ERICH3: variants seen among roughly 807,000 people sequenced by gnomAD.
ERICH3 encodes glutamate-rich protein 3.
A neutral mutation model predicts 131.1 loss-of-function variants in ERICH3; 126 were observed. The observed-to-expected ratio is 0.96, with a 90% CI of 0.83 to 1.11. The LOEUF (loss-of-function observed/expected upper bound fraction) is 1.11. ERICH3 is among the 50% of genes most tolerant of loss of function. ERICH3 has a pLI of 0.00. For missense variants in ERICH3, 2,050 were observed against 1,810.7 expected (o/e 1.13, Z -2.40); for synonymous variants, 695 against 644.6 (o/e 1.08, Z -1.18).
intron 13 of ERICH3, among the ~76,000 whole-genome samples, chr1:74,575,635 A>G (rs1252764872): frequency 6.6e-6 from 1 of 152,238 alleles, no homozygotes; most frequent in Non-Finnish European, 1.5e-5. Flanking sequence ...GCATGAAAGT[A>G]TACTAAAAAG....
rs115452210 is a variant in ERICH3 at position 74,672,643 on chromosome 1, G to A, written c.23+854C>T. 2.8e-3 allele frequency among the ~76,000 whole-genome samples: 420 copies of A among 152,200 alleles called. 3 individuals are homozygous for A. Among genetic ancestry groups the A allele is most frequent in the African/African-American group, 9.5e-3 (394 of 41,518 alleles). Reference sequence around the variant, plus strand: ...AATAAATGCAATTAAAAAGGAAAGTGCCTTCAATTTAATTGCAAGATTGAC... The same window carrying A: ...AATAAATGCAATTAAAAAGGAAAGTACCTTCAATTTAATTGCAAGATTGAC... On this transcript the variant is annotated intron_variant, in intron 1 of 14. Transcript: ENST00000326665.
chr1:74,579,877 G>C (rs924830161), intron 12 of ERICH3: 23 of 984,032 alleles, frequency 2.3e-5, no homozygotes, highest in South Asian at 4.7e-5. Context: ...TTGCCAAATG[G>C]AATTGTCACA....
At chr1:74,648,262 T>C (rs556259980) in intron 2 of ERICH3, among the ~76,000 whole-genome samples, 2 of 152,278 alleles carry the variant, frequency 1.3e-5, no homozygotes, top group Admixed American at 1.3e-4. Context: ...TCACAGACTG[T>C]TATCCAAAGA....
intron 12 of ERICH3, among the ~76,000 whole-genome samples, chr1:74,583,851 A>C (rs1647223707): frequency 6.6e-6 from 1 of 152,188 alleles, no homozygotes; most frequent in Non-Finnish European, 1.5e-5. Flanking sequence ...AATGACATCT[A>C]ATTCATTCTC....
rs1557648784 is a variant in ERICH3 at position 74,568,524 on chromosome 1, G to T, written c.*1934C>A. On this transcript the variant is annotated 3_prime_UTR_variant, in exon 15 of 15. Coordinates refer to ENST00000326665, the MANE Select transcript of ERICH3 (RefSeq NM_001002912.5). The stretch of plus-strand genomic sequence containing the variant: ...AAATGAACTTGAATATAATGTAGAT[G>T]AAATCTACTCATAAAACTTTAAGAC... The T allele has an allele frequency of 6.6e-6, 1 of 152,126 alleles. No individual in the cohort carries two copies. Among genetic ancestry groups the T allele is most frequent in the Non-Finnish European group, 1.5e-5 (1 of 67,984 alleles). The allele number at this position is 152,126 out of a possible 1,614,324, so 9.4% of individuals were successfully genotyped here.
intron 8 of ERICH3, among the ~76,000 whole-genome samples, chr1:74,619,878 A>G (rs1649138514): frequency 6.6e-6 from 1 of 152,186 alleles, no homozygotes; most frequent in African/African-American, 2.4e-5. Flanking sequence ...CCTCAATATG[A>G]ATTTATAGTC....
chr1:74,669,019 T>A (rs1328452430), intron 1 of ERICH3, among the ~76,000 whole-genome samples: 2 of 152,122 alleles, frequency 1.3e-5, no homozygotes, highest in Admixed American at 6.6e-5. Context: ...AATGGACCTT[T>A]CTTTAGGAAA....
chr1:74,593,789 A>G (rs1344528067), intron 11 of ERICH3, among the ~76,000 whole-genome samples: 1 of 152,136 alleles, frequency 6.6e-6, no homozygotes, highest in Non-Finnish European at 1.5e-5. Flanking sequence ...AAAGAGGTTC[A>G]ACAGTACCCA....
intron 12 of ERICH3, chr1:74,579,842 T>A (rs1391390350): frequency 1.0e-6 from 1 of 984,928 alleles, no homozygotes; most frequent in African/African-American, 1.7e-5. Context: ...GAGGCAAAGG[T>A]GATTGTCAGT....
intron 5 of ERICH3, among the ~76,000 whole-genome samples, chr1:74,636,916 C>G (rs985818758): frequency 2.0e-5 from 3 of 152,010 alleles, no homozygotes; most frequent in Non-Finnish European, 2.9e-5. Flanking sequence ...TAAAAGCAGA[C>G]AGTATAATTC....
chr1:74,618,184 T>TTA (rs1649063493), intron 8 of ERICH3, among the ~76,000 whole-genome samples: 1 of 152,052 alleles, frequency 6.6e-6, no homozygotes, highest in African/African-American at 2.4e-5. Flanking sequence ...TTAAAAACCG[T>TTA]TAATATAAGT....
At chr1:74,615,823 A>G (rs1203844441) in intron 8 of ERICH3, among the ~76,000 whole-genome samples, 4 of 152,174 alleles carry the variant, frequency 2.6e-5, no homozygotes, top group Non-Finnish European at 4.4e-5. Flanking sequence ...CCAGGCCACA[A>G]ATAACCAGCC....
At chr1:74,643,814 C>T (rs2100637030) in intron 3 of ERICH3, among the ~76,000 whole-genome samples, 1 of 152,196 alleles carries the variant, frequency 6.6e-6, no homozygotes, top group Non-Finnish European at 1.5e-5. Flanking sequence ...GCCTATCTGA[C>T]ACTAGCTTCC....
chr1:74,611,765 G>A (rs1340987), intron 9 of ERICH3, among the ~76,000 whole-genome samples: 1 of 151,836 alleles, frequency 6.6e-6, no homozygotes, highest in Non-Finnish European at 1.5e-5. Flanking sequence ...CTGTTCAAAA[G>A]ACATCTTATC....
chr1:74,602,743 T>G (rs928854633), intron 10 of ERICH3, among the ~76,000 whole-genome samples: 1 of 151,932 alleles, frequency 6.6e-6, no homozygotes, highest in Non-Finnish European at 1.5e-5. Flanking sequence ...ACTAGTTATG[T>G]TGGTTTAAGA....
At position 74,571,838 on chromosome 1, in the gene ERICH3, T is replaced by C. The variant is rs1185431881; in HGVS notation, c.3872A>G (p.Asp1291Gly). 9.3e-6 allele frequency: 15 copies of C among 1,612,544 alleles called. No individual in the cohort carries two copies. The East Asian group carries it at 3.3e-4, about 36-fold the overall frequency. Reference protein sequence around the residue: ...MAEKFREEAVDEDPEEEEDKE... With the variant: ...MAEKFREEAVGEDPEEEEDKE... ...GTCCTCTTCCTCCTCTGGGTCCTCA[T>C]CCACCGCTTCCTCCCTGAACTTTTC... Residue 1291 changes from aspartate to glycine, a missense_variant, in exon 14 of 15, where the codon GAT (aspartate) becomes GGT (glycine). Transcript: ENST00000326665.
At chr1:74,660,436 G>A (rs1336029677) in intron 1 of ERICH3, among the ~76,000 whole-genome samples, 2 of 151,428 alleles carry the variant, frequency 1.3e-5, no homozygotes, top group Non-Finnish European at 2.9e-5. Context: ...ACTTTAGAGG[G>A]CTATGTTGGC....
At chr1:74,650,868 G>A (rs1250671024) in intron 1 of ERICH3, among the ~76,000 whole-genome samples, 3 of 136,498 alleles carry the variant, frequency 2.2e-5, no homozygotes, top group Admixed American at 1.5e-4. Flanking sequence ...GTGTGTGTGT[G>A]TATACTTATA....
chr1:74,670,134 T>C (rs1450438382), intron 1 of ERICH3, among the ~76,000 whole-genome samples: 1 of 152,208 alleles, frequency 6.6e-6, no homozygotes, highest in Non-Finnish European at 1.5e-5. Flanking sequence ...GTTGTATTTG[T>C]GCTTATTGTT....
Sources: allele counts gnomAD v4.1 joint callset (sites outside exome capture counted in the v4.1 genomes callset), GRCh38; gene constraint gnomAD v4.1.1; transcripts MANE v1.5; gene names NCBI Gene and HGNC (gene_info 2026-07-23, HGNC 2026-07-21).